TTC23: variants seen among roughly 807,000 people sequenced by gnomAD.
The protein encoded by TTC23 is tetratricopeptide repeat domain 23, also known as tetratricopeptide repeat protein 23.
In TTC23, 58 loss-of-function variants were observed where a neutral mutation model predicts 55.1. The observed-to-expected ratio is 1.05, with a 90% CI of 0.85 to 1.31. The LOEUF (loss-of-function observed/expected upper bound fraction) is 1.31, where lower values mean the gene tolerates loss of function less well. Ranked by LOEUF, TTC23 falls within the 50% of genes most tolerant of loss-of-function variation. TTC23 has a pLI of 0.00. For missense variants in TTC23, 516 were observed against 534.4 expected (o/e 0.97, Z 0.34); for synonymous variants, 203 against 199.9 (o/e 1.02, Z -0.13).
chr15:99,142,686 T>C (rs782169466), intron 12 of TTC23, among the ~76,000 whole-genome samples: 3 of 152,202 alleles, frequency 2.0e-5, no homozygotes, highest in Non-Finnish European at 4.4e-5. Context: ...GGGAAAGACA[T>C]ACAGCATTGG....
chr15:99,247,076 T>C (rs1170047638), intron 1 of TTC23, among the ~76,000 whole-genome samples: 1 of 152,200 alleles, frequency 6.6e-6, no homozygotes, highest in Non-Finnish European at 1.5e-5. Context: ...ATGCTTCATA[T>C]CGTCAGTCAT....
At chr15:99,214,591 A>G (rs1484826044) in intron 8 of TTC23, among the ~76,000 whole-genome samples, 1 of 151,172 alleles carries the variant, frequency 6.6e-6, no homozygotes, top group Non-Finnish European at 1.5e-5. Flanking sequence ...ACACTTGGAT[A>G]AATTAAAAAA....
At chr15:99,140,493 C>T (rs1555489827) in intron 12 of TTC23, 1 of 152,034 alleles carries the variant, frequency 6.6e-6, no homozygotes, top group East Asian at 1.9e-4. Context: ...CCTCAGCCTC[C>T]CGAGTAGCTG....
intron 12 of TTC23, among the ~76,000 whole-genome samples, chr15:99,153,532 GTTAC>G (rs1349397503): frequency 7.2e-5 from 11 of 152,144 alleles, no homozygotes; most frequent in Admixed American, 7.2e-4. Context: ...GATTAATTAT[GTTAC>G]TTACTTAGGG....
chr15:99,180,695 G>A (rs1228132010), intron 9 of TTC23, among the ~76,000 whole-genome samples: 1 of 152,238 alleles, frequency 6.6e-6, no homozygotes, highest in Non-Finnish European at 1.5e-5. Context: ...TGGGGATGGG[G>A]TGGGTCTTGG....
chr15:99,201,481 G>A (rs1470708446), intron 8 of TTC23, among the ~76,000 whole-genome samples: 1 of 152,074 alleles, frequency 6.6e-6, no homozygotes. Flanking sequence ...CAAAAAATAG[G>A]TATTATTTTC....
chr15:99,140,840 C>G (rs979814031), intron 12 of TTC23: 15 of 152,102 alleles, frequency 9.9e-5, no homozygotes, highest in African/African-American at 3.4e-4. Flanking sequence ...TCTTGCAGTG[C>G]ACAGAAATGA....
chr15:99,198,413 T>C (rs541595902), intron 9 of TTC23, among the ~76,000 whole-genome samples: 1 of 152,330 alleles, frequency 6.6e-6, no homozygotes, highest in South Asian at 2.1e-4. Context: ...TTCTGCCTCC[T>C]AAATCTTTCC....
chr15:99,169,655 G>C (rs571780412), intron 10 of TTC23, among the ~76,000 whole-genome samples: 1 of 152,298 alleles, frequency 6.6e-6, no homozygotes, highest in East Asian at 1.9e-4. Flanking sequence ...GTTGAGAAAA[G>C]GGAGGGTCGT....
intron 9 of TTC23, among the ~76,000 whole-genome samples, chr15:99,191,492 G>C (rs561682133): frequency 1.3e-5 from 2 of 152,298 alleles, no homozygotes; most frequent in East Asian, 3.9e-4. Flanking sequence ...TGCTGTTCTC[G>C]TAATAGTGAA....
chr15:99,175,181 G>A, intron 9 of TTC23, 26 bp from the exon 10 acceptor site: 1 of 1,590,944 alleles, frequency 6.3e-7, no homozygotes, highest in Non-Finnish European at 8.6e-7. Context: ...GAAGAAACAT[G>A]TTGTTTACAT....
At chr15:99,149,761 T>C (rs1242130729) in intron 12 of TTC23, among the ~76,000 whole-genome samples, 1 of 152,206 alleles carries the variant, frequency 6.6e-6, no homozygotes, top group Non-Finnish European at 1.5e-5. Flanking sequence ...CCTGCGGAGT[T>C]GCTGTGAAGA....
At chr15:99,218,843 G>T (rs1037009482) in intron 7 of TTC23, 55 bp downstream of exon 7, 1 of 1,597,618 alleles carries the variant, frequency 6.3e-7, no homozygotes, top group Non-Finnish European at 8.5e-7. Context: ...TACTTGGCGT[G>T]TAAGTGTTAC....
At chr15:99,203,891 T>G (rs1046077712) in intron 8 of TTC23, among the ~76,000 whole-genome samples, 5 of 152,316 alleles carry the variant, frequency 3.3e-5, no homozygotes, top group Admixed American at 6.5e-5. Context: ...TATCCATTCA[T>G]CCACTGATTG....
intron 6 of TTC23, among the ~76,000 whole-genome samples, chr15:99,221,354 A>C (rs1286333109): frequency 6.6e-6 from 1 of 152,140 alleles, no homozygotes; most frequent in African/African-American, 2.4e-5. Context: ...AGTCTTTTTA[A>C]ATTTTTTGGT....
At chr15:99,193,366 G>A (rs886135923) in intron 9 of TTC23, among the ~76,000 whole-genome samples, 2 of 152,168 alleles carry the variant, frequency 1.3e-5, no homozygotes, top group Non-Finnish European at 1.5e-5. Context: ...GGGATCTGGT[G>A]GGAGATAACT....
intron 6 of TTC23, among the ~76,000 whole-genome samples, chr15:99,219,753 C>T (rs1408303848): frequency 1.3e-5 from 2 of 152,080 alleles, no homozygotes. Flanking sequence ...TTTGCACGTC[C>T]CTGTATTCCC....
At chr15:99,221,216 G>T (rs1157099986) in intron 6 of TTC23, among the ~76,000 whole-genome samples, 1 of 152,212 alleles carries the variant, frequency 6.6e-6, no homozygotes, top group African/African-American at 2.4e-5. Context: ...GAGCCAAGCA[G>T]TGGGAGAGAG....
chr15:99,228,078 A>G (rs2078611217), intron 5 of TTC23, among the ~76,000 whole-genome samples: 1 of 152,234 alleles, frequency 6.6e-6, no homozygotes, highest in Non-Finnish European at 1.5e-5. Flanking sequence ...CCTGGCACAT[A>G]TTAGTCATAC....
Sources: gnomAD v4.1 joint callset for allele counts (sites outside exome capture counted in the v4.1 genomes callset) on GRCh38, gnomAD v4.1.1 for gene constraint, MANE v1.5 for transcripts, NCBI Gene and HGNC (gene_info 2026-07-23, HGNC 2026-07-21) for gene names.